TYR: variants seen among roughly 807,000 people sequenced by gnomAD.
TYR encodes the protein tyrosinase, also known as LB24-AB.
In TYR, 58 loss-of-function variants were observed where a neutral mutation model predicts 51.5. The ratio of observed to expected loss-of-function variants is 1.13; its 90% confidence interval spans 0.91 to 1.40. The LOEUF is 1.40. TYR is among the 40% of genes most tolerant of loss of function. The pLI is 0.00. For missense variants in TYR, 732 were observed against 647.4 expected, an observed-to-expected ratio of 1.13 and a Z score of -1.42; for synonymous variants, 263 against 235.2, an observed-to-expected ratio of 1.12 and a Z score of -1.08.
intron 4 of TYR, among the ~76,000 whole-genome samples, chr11:89,291,233 C>G (rs140336771): frequency 0.024 from 3,594 of 151,964 alleles, 139 homozygotes; most frequent in African/African-American, 0.082. Flanking sequence ...GACACTGTAC[C>G]AGATTCTAGA....
At chr11:89,277,808 T>C (rs573474004) in intron 3 of TYR, among the ~76,000 whole-genome samples, 3 of 151,712 alleles carry the variant, frequency 2.0e-5, no homozygotes, top group Admixed American at 2.0e-4. Flanking sequence ...ATTTTCTCAC[T>C]GATTTCTTTA....
rs534980652 is a variant in TYR at position 89,277,564 on chromosome 11, G to A, written c.1185-7209G>A. Among the ~76,000 whole-genome samples the A allele has an allele frequency of 1.8e-3, 271 of 151,776 alleles. 1 individual carries two copies. Among genetic ancestry groups the A allele is most frequent in the African/African-American group, 6.2e-3 (256 of 41,494 alleles). On this transcript the variant is annotated intron_variant, in intron 3 of 4. Coordinates refer to ENST00000263321, the MANE Select transcript of TYR (RefSeq NM_000372.5). ...TGAAATCCAGACCCAGATATCTAGC[G>A]AATGACCTGACATCCCCACTGAAAT...
intron 3 of TYR, among the ~76,000 whole-genome samples, chr11:89,270,389 C>T (rs1944574276): frequency 6.6e-6 from 1 of 151,836 alleles, no homozygotes; most frequent in African/African-American, 2.4e-5. Context: ...CTCTTTTTTC[C>T]CAAGGCATGA....
intron 2 of TYR, among the ~76,000 whole-genome samples, chr11:89,203,662 T>C (rs1026725440): frequency 3.9e-5 from 6 of 152,152 alleles, no homozygotes; most frequent in Admixed American, 1.3e-4. Context: ...CACGGTATGA[T>C]GGTGAGTCCC....
chr11:89,178,951 A>G (rs895294720), intron 1 of TYR, among the ~76,000 whole-genome samples, 179 bp downstream of exon 1: 1 of 152,162 alleles, frequency 6.6e-6, no homozygotes, highest in Non-Finnish European at 1.5e-5. Context: ...CACTTTAGAT[A>G]TTTGTGTAAT....
At chr11:89,254,065 T>G (rs1481055886) in intron 3 of TYR, among the ~76,000 whole-genome samples, 2 of 151,880 alleles carry the variant, frequency 1.3e-5, no homozygotes, top group African/African-American at 4.8e-5. Flanking sequence ...GTACATTTTC[T>G]GCATCTATTG....
At chr11:89,293,875 G>T (rs1230427580) in intron 4 of TYR, 2 of 313,272 alleles carry the variant, frequency 6.4e-6, no homozygotes. Flanking sequence ...CATTTCAGGA[G>T]AAACATCCAT....
chr11:89,191,125 G>A lies in TYR; in HGVS notation c.820-77G>A, dbSNP rs1290894552. 4.7e-6 allele frequency: 6 copies of A among 1,277,216 alleles called. No individual in the cohort carries two copies. The African/African-American group carries it at 5.9e-5, about 13-fold the overall frequency. The allele number at this position is 1,277,216 out of a possible 1,614,324, so 79.1% of individuals were successfully genotyped here. A position where few individuals can be genotyped will look rare whatever the true frequency, so the allele number is the denominator to read the frequency against. ...GGAGAAGTCTAACAACGATAATTAG[G>A]AGTTCCAACATTTCTGCCTTCTCCT... On this transcript the variant is annotated intron_variant, in intron 1 of 4. Transcript: ENST00000263321.
At chr11:89,210,826 T>C (rs1326245756) in intron 2 of TYR, among the ~76,000 whole-genome samples, 1 of 149,284 alleles carries the variant, frequency 6.7e-6, no homozygotes, top group East Asian at 2.0e-4. Context: ...CATTCTTAAA[T>C]AATTTTCAAC....
chr11:89,186,364 G>C (rs1018264656), intron 1 of TYR, among the ~76,000 whole-genome samples: 1 of 152,112 alleles, frequency 6.6e-6, no homozygotes, highest in East Asian at 1.9e-4. Context: ...TATAAGTGAA[G>C]TTATAGGGAC....
At chr11:89,262,336 G>A (rs1315038479) in intron 3 of TYR, among the ~76,000 whole-genome samples, 2 of 152,086 alleles carry the variant, frequency 1.3e-5, no homozygotes, top group Non-Finnish European at 2.9e-5. Flanking sequence ...TGGGATTACA[G>A]GCATGAGCCA....
At chr11:89,180,351 T>A (rs1329428201) in intron 1 of TYR, among the ~76,000 whole-genome samples, 1 of 152,144 alleles carries the variant, frequency 6.6e-6, no homozygotes, top group Non-Finnish European at 1.5e-5. Context: ...TGGAGGACTG[T>A]CTAAATTACC....
chr11:89,290,808 C>G (rs989361549), intron 4 of TYR, among the ~76,000 whole-genome samples: 18 of 152,000 alleles, frequency 1.2e-4, no homozygotes, highest in African/African-American at 3.6e-4. Context: ...GCACTCTCTT[C>G]TTTCTGCTAT....
intron 3 of TYR, among the ~76,000 whole-genome samples, chr11:89,243,266 T>C (rs924553525): frequency 3.9e-5 from 6 of 152,172 alleles, no homozygotes; most frequent in Non-Finnish European, 7.4e-5. Flanking sequence ...CATTCTACAT[T>C]CATTCAATAA....
Position 89,295,648 on chromosome 11 carries a change from G to A in TYR, c.*282G>A. 1 of 351,880 alleles carries A rather than the reference G, an allele frequency of 2.8e-6. No homozygotes were observed. Among genetic ancestry groups the A allele is most frequent in the East Asian group, 6.1e-5 (1 of 16,402 alleles). The allele number at this position is 351,880 out of a possible 1,614,324, so 21.8% of individuals were successfully genotyped here. On this transcript the variant is annotated 3_prime_UTR_variant, in exon 5 of 5. Coordinates refer to ENST00000263321, the MANE Select transcript of TYR (RefSeq NM_000372.5). ...CTGTTATTTGTATGTGAATTAAAGT[G>A]CTCTTATTTTAAAAAATTGAAATAA... is the stretch of plus-strand genomic sequence containing the variant.
intron 3 of TYR, among the ~76,000 whole-genome samples, chr11:89,281,673 G>A (rs1944723773): frequency 6.6e-6 from 1 of 151,676 alleles, no homozygotes; most frequent in Non-Finnish European, 1.5e-5. Flanking sequence ...TCTCTCATGG[G>A]TCCAAGAAAA....
chr11:89,256,060 T>TTATAGAATC (rs1944387456), intron 3 of TYR, among the ~76,000 whole-genome samples: 1 of 151,880 alleles, frequency 6.6e-6, no homozygotes, highest in African/African-American at 2.4e-5. Flanking sequence ...ATATGGTTTG[T>TTATAGAATC]TATAGAATCA....
chr11:89,217,553 C>A (rs1017874754), intron 2 of TYR, among the ~76,000 whole-genome samples: 1 of 152,182 alleles, frequency 6.6e-6, no homozygotes, highest in South Asian at 2.1e-4. Context: ...ACTACTTATT[C>A]ACAGGGCCAC....
At chr11:89,214,012 C>T (rs968818868) in intron 2 of TYR, among the ~76,000 whole-genome samples, 15 of 152,074 alleles carry the variant, frequency 9.9e-5, no homozygotes, top group Non-Finnish European at 2.9e-5. Context: ...TAGGCAATAC[C>T]GTTGAGAACA....
Sources: gnomAD v4.1 joint callset for allele counts (sites outside exome capture counted in the v4.1 genomes callset) on GRCh38, gnomAD v4.1.1 for gene constraint, MANE v1.5 for transcripts, NCBI Gene and HGNC (gene_info 2026-07-23, HGNC 2026-07-21) for gene names.